Variants in SGCZ observed in about 807,000 individuals in gnomAD.
SGCZ encodes zeta-sarcoglycan.
Under a neutral mutation model 41.3 loss-of-function variants are expected in SGCZ, and 40 were observed. That is an observed-to-expected ratio of 0.97 (90% CI 0.75 to 1.26). The LOEUF (loss-of-function observed/expected upper bound fraction) is 1.26. Among genes scored for constraint, SGCZ ranks in the 50% most tolerant of loss-of-function variants. The pLI, the probability that SGCZ is intolerant of heterozygous loss-of-function variation, is 0.00. For missense variants in SGCZ, 552 were observed against 369.8 expected (o/e 1.49, Z -4.04); for synonymous variants, 206 against 137.5 (o/e 1.50, Z -3.49).
intron 1 of SGCZ, among the ~76,000 whole-genome samples, chr8:14,761,504 T>C (rs970140095): frequency 6.7e-6 from 1 of 149,796 alleles, no homozygotes; most frequent in Non-Finnish European, 1.5e-5. Context: ...CATGTTTCTA[T>C]TATTATTATT....
chr8:14,552,020 C>G (rs1027158739), intron 2 of SGCZ, among the ~76,000 whole-genome samples: 3 of 151,764 alleles, frequency 2.0e-5, no homozygotes, highest in African/African-American at 7.3e-5. Context: ...GTGTTGGATA[C>G]AATAGTTATA....
chr8:15,204,086 G>A (rs1212549952), intron 1 of SGCZ, among the ~76,000 whole-genome samples: 1 of 152,080 alleles, frequency 6.6e-6, no homozygotes, highest in Non-Finnish European at 1.5e-5. Flanking sequence ...AATTATAGTA[G>A]CTATCTACTC....
chr8:14,331,453 C>G (rs531229292), intron 2 of SGCZ, among the ~76,000 whole-genome samples: 1 of 151,934 alleles, frequency 6.6e-6, no homozygotes, highest in Non-Finnish European at 1.5e-5. Flanking sequence ...AAGTTGATGG[C>G]CTGCTTTATA....
intron 3 of SGCZ, among the ~76,000 whole-genome samples, chr8:14,268,183 T>G (rs1161407547): frequency 1.3e-5 from 2 of 149,810 alleles, no homozygotes; most frequent in Non-Finnish European, 3.0e-5. Flanking sequence ...AGCAAAATAC[T>G]GGGAATACGG....
intron 5 of SGCZ, among the ~76,000 whole-genome samples, chr8:14,110,917 C>G (rs181403424): frequency 6.6e-6 from 1 of 151,910 alleles, no homozygotes; most frequent in African/African-American, 2.4e-5. Context: ...ATTAGCTGGG[C>G]ATGGTGGTGC....
chr8:14,661,547 AG>A, intron 1 of SGCZ, among the ~76,000 whole-genome samples: 1 of 152,308 alleles, frequency 6.6e-6, no homozygotes, highest in East Asian at 1.9e-4. Flanking sequence ...GTTTTAGGTT[AG>A]GGTGTCAACA....
intron 1 of SGCZ, among the ~76,000 whole-genome samples, chr8:15,090,280 A>C (rs1198967567): frequency 2.6e-5 from 4 of 152,222 alleles, no homozygotes; most frequent in Non-Finnish European, 5.9e-5. Context: ...AATACCATGT[A>C]TTTTGGCCAA....
At chr8:14,669,204 T>TATAC (rs1011500029) in intron 1 of SGCZ, among the ~76,000 whole-genome samples, 27 of 149,602 alleles carry the variant, frequency 1.8e-4, no homozygotes, top group Non-Finnish European at 1.0e-4. Context: ...AATATATATA[T>TATAC]ATATATAGCT....
chr8:14,856,718 T>C (rs1429052821), intron 1 of SGCZ, among the ~76,000 whole-genome samples: 1 of 152,126 alleles, frequency 6.6e-6, no homozygotes, highest in African/African-American at 2.4e-5. Context: ...TAGGCAGCAG[T>C]ATGTTTAAAA....
intron 1 of SGCZ, among the ~76,000 whole-genome samples, chr8:14,743,485 T>G (rs1799255215): frequency 6.6e-6 from 1 of 152,066 alleles, no homozygotes; most frequent in Non-Finnish European, 1.5e-5. Context: ...TATTTCCTTT[T>G]TACATTATTT....
intron 7 of SGCZ, among the ~76,000 whole-genome samples, chr8:14,098,105 A>G (rs1445118273): frequency 3.3e-5 from 5 of 152,204 alleles, no homozygotes; most frequent in African/African-American, 1.2e-4. Context: ...CACCTTCTAC[A>G]TAACACAAAT....
intron 2 of SGCZ, among the ~76,000 whole-genome samples, chr8:14,352,040 G>C (rs1274860404): frequency 2.0e-5 from 3 of 152,046 alleles, no homozygotes; most frequent in Non-Finnish European, 2.9e-5. Context: ...ATTTATAGTA[G>C]AATAGTTGTA....
At chr8:15,188,239 A>T (rs1800411600) in intron 1 of SGCZ, among the ~76,000 whole-genome samples, 1 of 152,100 alleles carries the variant, frequency 6.6e-6, no homozygotes, top group Admixed American at 6.5e-5. Flanking sequence ...AATGGACACA[A>T]GAAAAATTAG....
At chr8:14,601,016 T>A (rs1023599612) in intron 1 of SGCZ, among the ~76,000 whole-genome samples, 7 of 150,380 alleles carry the variant, frequency 4.7e-5, no homozygotes, top group Non-Finnish European at 1.0e-4. Context: ...AAAATATATG[T>A]TTTATGCATT....
chr8:15,166,590 A>AAT (rs1799673193), intron 1 of SGCZ, among the ~76,000 whole-genome samples: 1 of 152,160 alleles, frequency 6.6e-6, no homozygotes, highest in African/African-American at 2.4e-5. Context: ...GAATAATGCT[A>AAT]ATATATATTG....
rs145311565 is a variant in SGCZ at position 15,231,437 on chromosome 8, A to G, written c.39+6148T>C. On this transcript the variant is annotated intron_variant, in intron 1 of 7. Transcript: ENST00000382080. ...AACAATTTTTAATTTTTAGAATGTG[A>G]GGCTACATAATGCTCTTGGAGGGGT... Among the ~76,000 whole-genome samples, 607 of 152,170 alleles carry G rather than the reference A, an allele frequency of 4.0e-3. 2 individuals carry two copies. Among genetic ancestry groups the G allele is most frequent in the African/African-American group, 0.014 (585 of 41,512 alleles).
intron 1 of SGCZ, among the ~76,000 whole-genome samples, chr8:15,177,243 G>A (rs528111823): frequency 6.6e-6 from 1 of 152,264 alleles, no homozygotes; most frequent in African/African-American, 2.4e-5. Flanking sequence ...GACAAATAAA[G>A]GGCATTTAGA....
chr8:14,424,225 C>T (rs1799713976), intron 2 of SGCZ, among the ~76,000 whole-genome samples: 1 of 152,036 alleles, frequency 6.6e-6, no homozygotes, highest in Non-Finnish European at 1.5e-5. Flanking sequence ...TAGTAGAAGA[C>T]ACTATGATTA....
chr8:14,787,784 T>G (rs1280121957), intron 1 of SGCZ, among the ~76,000 whole-genome samples: 1 of 151,948 alleles, frequency 6.6e-6, no homozygotes, highest in African/African-American at 2.4e-5. Context: ...ATGCGGAGAT[T>G]GCGGTGACCT....
Sources: gnomAD v4.1 joint callset for allele counts (sites outside exome capture counted in the v4.1 genomes callset) on GRCh38, gnomAD v4.1.1 for gene constraint, MANE v1.5 for transcripts, NCBI Gene and HGNC (gene_info 2026-07-23, HGNC 2026-07-21) for gene names.